The following CSMD1 variants were observed in gnomAD, a reference collection of about 807,000 sequenced individuals.
CSMD1 encodes CUB and Sushi multiple domains 1, also known as CUB and sushi domain-containing protein 1.
CSMD1 carries 213 observed loss-of-function variants against 417.5 expected under a neutral mutation model. The ratio of observed to expected loss-of-function variants is 0.51; its 90% CI spans 0.46 to 0.57. The LOEUF is 0.57. Among genes scored for constraint, CSMD1 ranks in the 20% least tolerant of loss-of-function variants. The pLI is 0.00. For synonymous variants in CSMD1, 2,862 were observed against 1,736.8 expected, an observed-to-expected ratio of 1.65 and a Z score of -16.11; for missense variants, 6,923 against 4,529.7, an observed-to-expected ratio of 1.53 and a Z score of -15.17.
At chr8:3,915,776 T>C (rs1305733797) in intron 5 of CSMD1, among the ~76,000 whole-genome samples, 1 of 149,380 alleles carries the variant, frequency 6.7e-6, no homozygotes, top group Admixed American at 6.8e-5. Flanking sequence ...CATCTGTTCC[T>C]AAAATTTTCG....
At chr8:4,068,599 G>C (rs918943168) in intron 3 of CSMD1, among the ~76,000 whole-genome samples, 8 of 152,102 alleles carry the variant, frequency 5.3e-5, no homozygotes, top group African/African-American at 1.9e-4. Flanking sequence ...AATGATTGCA[G>C]AAAACATATC....
intron 2 of CSMD1, among the ~76,000 whole-genome samples, chr8:4,505,857 G>A (rs1055435201): frequency 1.3e-5 from 2 of 151,436 alleles, no homozygotes; most frequent in African/African-American, 4.9e-5. Context: ...ATAGAGTACA[G>A]TGGCGCGATC....
intron 49 of CSMD1, among the ~76,000 whole-genome samples, chr8:3,076,185 G>C (rs138337447): frequency 6.6e-6 from 1 of 152,282 alleles, no homozygotes; most frequent in South Asian, 2.1e-4. Context: ...CCTGGAGGCC[G>C]GAAGTCCCAC....
intron 1 of CSMD1, among the ~76,000 whole-genome samples, chr8:4,977,463 G>A (rs1262482843): frequency 3.9e-5 from 6 of 152,164 alleles, no homozygotes; most frequent in Non-Finnish European, 7.3e-5. Context: ...ATGCACATTG[G>A]GAAAGAAGGT....
chr8:4,584,135 G>A (rs1050324041), intron 2 of CSMD1, among the ~76,000 whole-genome samples: 1 of 151,934 alleles, frequency 6.6e-6, no homozygotes, highest in Non-Finnish European at 1.5e-5. Flanking sequence ...ACGTCAGAAG[G>A]AACAAACTCC....
At chr8:4,767,904 A>G (rs1812575299) in intron 1 of CSMD1, among the ~76,000 whole-genome samples, 1 of 152,168 alleles carries the variant, frequency 6.6e-6, no homozygotes, top group Non-Finnish European at 1.5e-5. Context: ...TTATTGTAAA[A>G]GATGAATTAA....
chr8:4,702,895 T>G (rs1807674259), intron 1 of CSMD1, among the ~76,000 whole-genome samples: 1 of 152,146 alleles, frequency 6.6e-6, no homozygotes, highest in Non-Finnish European at 1.5e-5. Context: ...AAAAGTTAAT[T>G]ATGAATTTTC....
At chr8:4,272,982 C>T (rs1804698076) in intron 3 of CSMD1, among the ~76,000 whole-genome samples, 1 of 152,140 alleles carries the variant, frequency 6.6e-6, no homozygotes, top group African/African-American at 2.4e-5. Flanking sequence ...AGGAAAACCA[C>T]ATGCTTAAAA....
rs145145457 is a variant in CSMD1 at position 4,184,636 on chromosome 8, A to G, written c.416-152537T>C. Among the ~76,000 whole-genome samples, 1,484 of 152,266 alleles carry G rather than the reference A, an allele frequency of 9.7e-3. 22 individuals are homozygous for G. Among genetic ancestry groups the G allele is most frequent in the African/African-American group, 0.033 (1,361 of 41,552 alleles). On this transcript the variant is annotated intron_variant, in intron 3 of 69. Transcript: ENST00000635120. ...AAAAAAAAATCAAATGTTCTCATTTATAAGTTGGAGCTAAAGGAAGACAGA... is the reference window on the plus strand; with the variant it reads ...AAAAAAAAATCAAATGTTCTCATTTGTAAGTTGGAGCTAAAGGAAGACAGA...
At chr8:4,787,370 G>A (rs965406605) in intron 1 of CSMD1, 28 of 729,958 alleles carry the variant, frequency 3.8e-5, no homozygotes, top group African/African-American at 1.6e-4. Flanking sequence ...GTAAAAAATT[G>A]TATGAGGGTA....
intron 2 of CSMD1, among the ~76,000 whole-genome samples, chr8:4,488,362 A>G (rs139058486): frequency 6.6e-6 from 1 of 152,240 alleles, no homozygotes; most frequent in South Asian, 2.1e-4. Flanking sequence ...AACACTTGAC[A>G]TATAGAAACT....
At chr8:4,887,171 A>T (rs1323686395) in intron 1 of CSMD1, among the ~76,000 whole-genome samples, 2 of 152,088 alleles carry the variant, frequency 1.3e-5, no homozygotes, top group Admixed American at 6.5e-5. Flanking sequence ...TGATATGTTC[A>T]GTCATTATAT....
At chr8:3,932,802 G>T (rs145944078) in intron 5 of CSMD1, among the ~76,000 whole-genome samples, 2 of 150,378 alleles carry the variant, frequency 1.3e-5, no homozygotes, top group East Asian at 3.9e-4. Flanking sequence ...TTCAATTGGA[G>T]ATAAAAAGTT....
intron 10 of CSMD1, among the ~76,000 whole-genome samples, chr8:3,544,105 G>C (rs912023349): frequency 6.6e-6 from 1 of 152,088 alleles, no homozygotes; most frequent in South Asian, 2.1e-4. Context: ...ACTCCATCTT[G>C]AGTGAGGGCT....
chr8:3,444,825 C>A (rs1255319019), intron 12 of CSMD1, among the ~76,000 whole-genome samples: 1 of 152,166 alleles, frequency 6.6e-6, no homozygotes, highest in East Asian at 1.9e-4. Flanking sequence ...TATAGGAGAA[C>A]CTCAGCAAGT....
chr8:4,321,657 G>A (rs867580789), intron 3 of CSMD1, among the ~76,000 whole-genome samples: 1 of 152,146 alleles, frequency 6.6e-6, no homozygotes, highest in Non-Finnish European at 1.5e-5. Context: ...TAGTGGTAAA[G>A]ATAAAAGAGC....
chr8:3,144,857 G>A (rs56949180), intron 40 of CSMD1, among the ~76,000 whole-genome samples: 5,164 of 149,552 alleles, frequency 0.035, 365 homozygotes, highest in African/African-American at 0.12. Context: ...GGGCTCCTGT[G>A]TCCCTTGGTT....
intron 5 of CSMD1, among the ~76,000 whole-genome samples, chr8:3,872,470 G>C (rs1336075644): frequency 6.6e-6 from 1 of 152,122 alleles, no homozygotes; most frequent in Non-Finnish European, 1.5e-5. Context: ...AAAAGCTGTG[G>C]GACAAGGCAG....
At chr8:4,130,318 G>A (rs1359217949) in intron 3 of CSMD1, among the ~76,000 whole-genome samples, 1 of 152,086 alleles carries the variant, frequency 6.6e-6, no homozygotes, top group Non-Finnish European at 1.5e-5. Flanking sequence ...CCCCAAATAT[G>A]CCTAAGGTCT....
Sources: gnomAD v4.1 joint callset for allele counts (sites outside exome capture counted in the v4.1 genomes callset) on GRCh38, gnomAD v4.1.1 for gene constraint, MANE v1.5 for transcripts, NCBI Gene and HGNC (gene_info 2026-07-23, HGNC 2026-07-21) for gene names.